The following CDKAL1 variants were observed in gnomAD, a reference collection of about 807,000 sequenced individuals.
The protein encoded by CDKAL1 is threonylcarbamoyladenosine tRNA methylthiotransferase.
In CDKAL1, 32 loss-of-function variants were observed where a neutral mutation model predicts 68.2. That is an observed-to-expected ratio of 0.47 (90% CI 0.35 to 0.63). The LOEUF is 0.63. Ranked by LOEUF, CDKAL1 falls within the 30% of genes least tolerant of loss-of-function variation. The probability of loss-of-function intolerance (pLI) is 0.00; values close to 1 mark genes in which losing one functional copy is unlikely to be tolerated. For missense variants in CDKAL1, 606 were observed against 696.7 expected (o/e 0.87, Z 1.47); for synonymous variants, 234 against 244.3 (o/e 0.96, Z 0.39).
chr6:20,903,059 T>A (rs189222076), intron 9 of CDKAL1, among the ~76,000 whole-genome samples: 1 of 152,254 alleles, frequency 6.6e-6, no homozygotes, highest in East Asian at 1.9e-4. Context: ...GACTTCAGGG[T>A]GGAAAAATCA....
intron 12 of CDKAL1, among the ~76,000 whole-genome samples, chr6:21,071,135 C>T (rs1313404118): frequency 6.6e-6 from 1 of 151,814 alleles, no homozygotes; most frequent in African/African-American, 2.4e-5. Context: ...TCATATTTTC[C>T]TTTATAGTTT....
intron 5 of CDKAL1, among the ~76,000 whole-genome samples, chr6:20,700,739 A>G (rs1238554401): frequency 6.6e-6 from 1 of 152,194 alleles, no homozygotes; most frequent in African/African-American, 2.4e-5. Context: ...TGAGAAAGAA[A>G]ACTGCCCACT....
chr6:21,024,077 T>C (rs901624411), intron 11 of CDKAL1, among the ~76,000 whole-genome samples: 1 of 152,232 alleles, frequency 6.6e-6, no homozygotes, highest in Non-Finnish European at 1.5e-5. Context: ...GCAATTATAT[T>C]TTAGCCAAGA....
intron 15 of CDKAL1, among the ~76,000 whole-genome samples, chr6:21,206,114 A>T (rs936064009): frequency 6.6e-6 from 1 of 152,018 alleles, no homozygotes; most frequent in Non-Finnish European, 1.5e-5. Flanking sequence ...TACAGGCGTG[A>T]GCCACCACAC....
At chr6:20,953,073 A>G (rs1318270351) in intron 9 of CDKAL1, among the ~76,000 whole-genome samples, 1 of 152,218 alleles carries the variant, frequency 6.6e-6, no homozygotes, top group African/African-American at 2.4e-5. Context: ...CTTTCGTTCC[A>G]TTGTGTTTTA....
intron 8 of CDKAL1, among the ~76,000 whole-genome samples, chr6:20,782,142 C>T (rs1185948052): frequency 1.3e-5 from 2 of 152,150 alleles, no homozygotes; most frequent in African/African-American, 4.8e-5. Flanking sequence ...AGGACAGTGG[C>T]GGTTGTGTTG....
intron 9 of CDKAL1, among the ~76,000 whole-genome samples, chr6:20,898,457 C>T (rs957009881): frequency 2.7e-5 from 4 of 149,424 alleles, no homozygotes; most frequent in Admixed American, 2.0e-4. Flanking sequence ...AATGTGACTG[C>T]CATTGCGACA....
chr6:20,747,994 A>G (rs932307210), intron 6 of CDKAL1, among the ~76,000 whole-genome samples: 7 of 152,188 alleles, frequency 4.6e-5, no homozygotes, highest in African/African-American at 1.7e-4. Flanking sequence ...TTACATTTAG[A>G]CCTATAATCT....
At chr6:20,546,180 A>G (rs1763594640) in intron 2 of CDKAL1, among the ~76,000 whole-genome samples, 166 bp from the exon 3 acceptor site, 1 of 152,174 alleles carries the variant, frequency 6.6e-6, no homozygotes, top group Admixed American at 6.6e-5. Context: ...AATATACCCA[A>G]GATAGTACTT....
chr6:21,176,731 G>A (rs1249809312), intron 13 of CDKAL1, among the ~76,000 whole-genome samples: 1 of 120,572 alleles, frequency 8.3e-6, no homozygotes, highest in African/African-American at 3.3e-5. Flanking sequence ...GTCTGACTCT[G>A]TCACCCAGGC....
intron 4 of CDKAL1, among the ~76,000 whole-genome samples, chr6:20,601,843 C>T (rs918968097): frequency 2.6e-5 from 4 of 152,158 alleles, no homozygotes; most frequent in Non-Finnish European, 5.9e-5. Context: ...CATATTTATT[C>T]AACCTAATGC....
intron 9 of CDKAL1, among the ~76,000 whole-genome samples, chr6:20,879,125 C>T (rs1760689003): frequency 6.6e-6 from 1 of 151,742 alleles, no homozygotes; most frequent in Non-Finnish European, 1.5e-5. Context: ...AGAAGTATTC[C>T]CCATTGGTGA....
chr6:20,649,458 A>C, intron 5 of CDKAL1, 81 bp downstream of exon 5: 1 of 749,446 alleles, frequency 1.3e-6, no homozygotes, highest in Non-Finnish European at 2.2e-6. Context: ...TAAAAATGTC[A>C]ATATAGATAT....
At chr6:20,874,344 C>T (rs1760384306) in intron 9 of CDKAL1, among the ~76,000 whole-genome samples, 1 of 151,762 alleles carries the variant, frequency 6.6e-6, no homozygotes. Context: ...CCCTGTCGTC[C>T]AGGCTGGATG....
chr6:20,613,164 TA>T (rs757946723), intron 4 of CDKAL1, among the ~76,000 whole-genome samples: 1 of 151,822 alleles, frequency 6.6e-6, no homozygotes, highest in Non-Finnish European at 1.5e-5. Flanking sequence ...GATTTTCATT[TA>T]ACTATTTAGG....
intron 8 of CDKAL1, among the ~76,000 whole-genome samples, chr6:20,790,407 A>G (rs763472450): frequency 6.6e-6 from 1 of 152,310 alleles, no homozygotes; most frequent in Middle Eastern, 3.4e-3. Flanking sequence ...GTGAAAAACC[A>G]TGTCTTACAC....
chr6:20,602,475 G>C (rs779861124), intron 4 of CDKAL1, among the ~76,000 whole-genome samples: 14 of 152,020 alleles, frequency 9.2e-5, no homozygotes, highest in Non-Finnish European at 1.3e-4. Flanking sequence ...CAGCCCTTAG[G>C]GAGGAATGGG....
chr6:21,106,643 A>G (rs1370905732), intron 12 of CDKAL1, among the ~76,000 whole-genome samples: 1 of 152,244 alleles, frequency 6.6e-6, no homozygotes, highest in Non-Finnish European at 1.5e-5. Context: ...AACTATTTAC[A>G]TAGTATTTAT....
chr6:21,124,127 T>C (rs962640799), intron 13 of CDKAL1, among the ~76,000 whole-genome samples: 3 of 152,234 alleles, frequency 2.0e-5, no homozygotes, highest in Non-Finnish European at 4.4e-5. Context: ...GTATTCATGA[T>C]AAATTTTGAA....
Sources: gnomAD v4.1 joint callset for allele counts (sites outside exome capture counted in the v4.1 genomes callset) on GRCh38, gnomAD v4.1.1 for gene constraint, MANE v1.5 for transcripts, NCBI Gene and HGNC (gene_info 2026-07-23, HGNC 2026-07-21) for gene names.